The following CHFR variants were observed in gnomAD, a reference collection of about 807,000 sequenced individuals.
CHFR encodes the protein checkpoint with forkhead and ring finger domains, also known as E3 ubiquitin-protein ligase CHFR.
A neutral mutation model predicts 87.6 loss-of-function variants in CHFR; 57 were observed. The observed-to-expected ratio is 0.65, with a 90% confidence interval of 0.53 to 0.81. CHFR has a LOEUF of 0.81. CHFR is among the 30% of genes least tolerant of loss of function. The pLI, the probability that CHFR is intolerant of heterozygous loss-of-function variation, is 0.00. For synonymous variants in CHFR, 381 were observed against 359.2 expected (o/e 1.06, Z -0.69); for missense variants, 797 against 865.8 (o/e 0.92, Z 1.00).
At chr12:132,846,944 G>A in intron 15 of CHFR, 99 bp downstream of exon 15, 1 of 811,956 alleles carries the variant, frequency 1.2e-6, no homozygotes, top group South Asian at 1.4e-5. Flanking sequence ...CTCTTCCAGG[G>A]TGGGTGAAGG....
chr12:132,868,087 C>T (rs1951390003), intron 6 of CHFR: 1 of 152,164 alleles, frequency 6.6e-6, no homozygotes, highest in African/African-American at 2.4e-5. Context: ...AATTTCTTCC[C>T]AATGACCATG....
At position 132,877,674 on chromosome 12, in the gene CHFR, T is replaced by C. The variant is rs374093971; in HGVS notation, c.134-20A>G. The C allele has an allele frequency of 6.5e-7, 1 of 1,533,266 alleles. No homozygotes were observed. Among genetic ancestry groups the C allele is most frequent in the Non-Finnish European group, 9.0e-7 (1 of 1,109,014 alleles). The allele number at this position is 1,533,266 out of a possible 1,614,324, so 95.0% of individuals were successfully genotyped here. A position where few individuals can be genotyped will look rare whatever the true frequency, so the allele number is the denominator to read the frequency against. On this transcript the variant is annotated intron_variant, in intron 2 of 17. Coordinates refer to ENST00000450056, the MANE Select transcript of CHFR (RefSeq NM_001161346.2). ...CGCAACCTAAAAAAGAGAGGGTGGG[T>C]CAACACGGGATATGATCGTGGTAAC...
rs1293477959 is a variant in CHFR, at chr12:132,851,605, C to T, written c.1492+13G>A. The T allele has an allele frequency of 1.7e-5, 27 of 1,602,588 alleles. No individual in the cohort carries two copies. Among genetic ancestry groups the T allele is most frequent in the Non-Finnish European group, 2.2e-5 (26 of 1,174,594 alleles). On this transcript the variant is annotated intron_variant, in intron 12 of 17. Transcript: ENST00000450056. ...ATAGGAACCCGCCTGCGTGCGGTGG[C>T]GCGGGCACTCACACTGCTGAGGGGC... is the stretch of plus-strand genomic sequence containing the variant.
At position 132,881,904 on chromosome 12, in the gene CHFR, A is replaced by G. The variant is rs752548854; in HGVS notation, c.134-4250T>C. On this transcript the variant is annotated intron_variant, in intron 2 of 17. Coordinates refer to ENST00000450056, the MANE Select transcript of CHFR (RefSeq NM_001161346.2). Reference sequence around the variant, plus strand: ...AAAAAAAAAAGACTGACCACCTACAAGTGGCCAAAAGGGAAGTGGAAAACC... The same window carrying G: ...AAAAAAAAAAGACTGACCACCTACAGGTGGCCAAAAGGGAAGTGGAAAACC... Among the ~76,000 whole-genome samples the G allele has an allele frequency of 4.0e-5, 6 of 150,842 alleles. No individual in the cohort carries two copies. In the East Asian group the frequency reaches 5.8e-4, roughly 15 times the overall value.
rs1172459431 is a variant in CHFR at position 132,835,467 on chromosome 12, C to A, written c.*6087G>T. 1.9e-5 allele frequency: 3 copies of A among 154,490 alleles called. No homozygotes were observed. Among genetic ancestry groups the A allele is most frequent in the East Asian group, 3.9e-4 (2 of 5,178 alleles). The allele number at this position is 154,490 out of a possible 1,614,324, so 9.6% of individuals were successfully genotyped here. A position where few individuals can be genotyped will look rare whatever the true frequency, so the allele number is the denominator to read the frequency against. On this transcript the variant is annotated 3_prime_UTR_variant, in exon 18 of 18. Transcript: ENST00000450056. ...TCGTTCCAGTTTTAGTAGGTGTGGT[C>A]TTTAAAGAGGTGATTAAGATAAAAT... is the stretch of plus-strand genomic sequence containing the variant.
At chr12:132,887,467 G>T (rs1593551876) in intron 1 of CHFR, 80 bp downstream of exon 1, 1 of 592,488 alleles carries the variant, frequency 1.7e-6, no homozygotes, top group Non-Finnish European at 2.1e-6. Context: ...CGGCCTGGAC[G>T]CCGGCGGGCG....
Position 132,872,381 on chromosome 12 carries a change from C to T in CHFR, c.247G>A (p.Val83Met). 3 of 1,610,576 alleles carry T rather than the reference C, an allele frequency of 1.9e-6. No individual in the cohort carries two copies. Among genetic ancestry groups the T allele is most frequent in the Non-Finnish European group, 2.5e-6 (3 of 1,176,818 alleles). The part of the protein sequence containing the change: ...TLEDTSTSGT[V>M]INKLKVVKKQ... ...TTAACAACCTTCAGCTTGTTAATCA[C>T]TGTTCCACTGGTGCTGTAAAAAAAC... Residue 83 changes from valine (V) to methionine (M), a missense_variant, in exon 4 of 18, where the codon GTG (valine) becomes ATG (methionine). By Grantham distance (21) the Val-to-Met change is conservative (BLOSUM62 1). This residue lies in a region of CHFR where 597 missense variants were observed against 601.2 expected (regional missense o/e 0.99). Coordinates refer to ENST00000450056, the MANE Select transcript of CHFR (RefSeq NM_001161346.2).
At chr12:132,882,367 A>C (rs1477053372) in intron 2 of CHFR, among the ~76,000 whole-genome samples, 1 of 152,178 alleles carries the variant, frequency 6.6e-6, no homozygotes, top group African/African-American at 2.4e-5. Context: ...AGGAGCCGGG[A>C]CTCAGGGGGA....
chr12:132,843,218 C>T, intron 16 of CHFR, 135 bp from the exon 17 acceptor site: 1 of 770,572 alleles, frequency 1.3e-6, no homozygotes, highest in South Asian at 1.5e-5. Flanking sequence ...TAACTAGTTT[C>T]CTCGGACCGT....
chr12:132,874,597 C>T (rs1487052083), intron 3 of CHFR, among the ~76,000 whole-genome samples: 1 of 146,148 alleles, frequency 6.8e-6, no homozygotes. Flanking sequence ...GAAAGCCAGG[C>T]CCCAGAACAG....
intron 3 of CHFR, among the ~76,000 whole-genome samples, chr12:132,875,237 A>G (rs1346972683): frequency 6.6e-6 from 1 of 152,260 alleles, no homozygotes; most frequent in Admixed American, 6.5e-5. Context: ...TCAGTTACCA[A>G]AGAATCTCAC....
intron 6 of CHFR, 142 bp downstream of exon 6, chr12:132,869,477 A>G: frequency 2.9e-6 from 2 of 698,840 alleles, no homozygotes; most frequent in Non-Finnish European, 2.4e-6. Flanking sequence ...AACACACTCA[A>G]TATTGACTCC....
Position 132,840,919 on chromosome 12 carries a change from T to A in CHFR, c.*635A>T, listed in dbSNP as rs1280739400. Reference sequence around the variant, plus strand: ...GCAGTTTTGGACATTGGAAGGTTTCTTTTTTTAATAAACAGAAGCATATGC... The same window carrying A: ...GCAGTTTTGGACATTGGAAGGTTTCATTTTTTAATAAACAGAAGCATATGC... On this transcript the variant is annotated 3_prime_UTR_variant, in exon 18 of 18. Transcript: ENST00000450056. The A allele has an allele frequency of 6.6e-6, 1 of 152,522 alleles. No individual in the cohort carries two copies. The highest frequency in any genetic ancestry group is 2.4e-5 in the African/African-American group (1 of 41,464). 9.4% of individuals were successfully genotyped at this position (152,522 alleles called of 1,614,324 possible).
At chr12:132,866,592 G>A (rs1371625769) in intron 6 of CHFR, 1 of 82,570 alleles carries the variant, frequency 1.2e-5, no homozygotes. Flanking sequence ...CAACACACCA[G>A]AAAGTTACAA....
chr12:132,847,010 C>T lies in CHFR; in HGVS notation c.1735+33G>A, dbSNP rs968080556. The T allele has an allele frequency of 8.6e-6, 13 of 1,511,602 alleles. No individual in the cohort carries two copies. In the East Asian group the frequency reaches 9.0e-5, roughly 10 times the overall value. The allele number at this position is 1,511,602 out of a possible 1,614,324, so 93.6% of individuals were successfully genotyped here. On this transcript the variant is annotated intron_variant, in intron 15 of 17. Coordinates refer to ENST00000450056, the MANE Select transcript of CHFR (RefSeq NM_001161346.2). ...AGGCACAGCCCTGGACACTCACATG[C>T]GCCTTAGAGCAGGAGGCAACAGAAG... is the stretch of plus-strand genomic sequence containing the variant.
At chr12:132,847,731 G>A (rs778962027) in intron 14 of CHFR, 18 of 1,164,098 alleles carry the variant, frequency 1.5e-5, no homozygotes, top group Non-Finnish European at 1.9e-5. Context: ...AAGAGACAGG[G>A]ACCAGAGAAA....
At chr12:132,855,582 G>A (rs1195249054) in intron 10 of CHFR, among the ~76,000 whole-genome samples, 1 of 151,798 alleles carries the variant, frequency 6.6e-6, no homozygotes, top group Non-Finnish European at 1.5e-5. Flanking sequence ...CAGGAGAATC[G>A]CTTGAACCCA....
chr12:132,841,162 T>C lies in CHFR; in HGVS notation c.*392A>G, dbSNP rs1458219528. 5.4e-6 allele frequency: 1 copy of C among 185,896 alleles called. No individual in the cohort carries two copies. The allele number at this position is 185,896 out of a possible 1,614,324, so 11.5% of individuals were successfully genotyped here. On this transcript the variant is annotated 3_prime_UTR_variant, in exon 18 of 18. Coordinates refer to ENST00000450056, the MANE Select transcript of CHFR (RefSeq NM_001161346.2). ...CTTATGCTCCCTTCTCCTGAAACAA[T>C]GTTTTTGATAAACTTGCCCTTCTCC...
chr12:132,847,698 G>GC, intron 14 of CHFR: 4 of 1,113,882 alleles, frequency 3.6e-6, no homozygotes, highest in Non-Finnish European at 3.3e-6. Context: ...TAGCTTCCTA[G>GC]ACGTGGGAAG....
Sources: allele counts gnomAD v4.1 joint callset (sites outside exome capture counted in the v4.1 genomes callset), GRCh38; gene constraint gnomAD v4.1.1; regional missense constraint gnomAD v4.1.1; transcripts MANE v1.5; gene names NCBI Gene and HGNC (gene_info 2026-07-23, HGNC 2026-07-21).